The following TRAM1 variants were observed in gnomAD, a reference collection of about 807,000 sequenced individuals.
TRAM1 encodes translocation associated membrane protein 1, also known as translocating chain-associated membrane protein 1.
Under a neutral mutation model 48.7 loss-of-function variants are expected in TRAM1, and 17 were observed. The observed-to-expected ratio is 0.35, with a 90% CI of 0.24 to 0.52. TRAM1 has a LOEUF of 0.52. Ranked by LOEUF, TRAM1 falls within the 20% of genes least tolerant of loss-of-function variation. The pLI is 0.94. For synonymous variants in TRAM1, 182 were observed against 154.0 expected (o/e 1.18, Z -1.34); for missense variants, 351 against 441.5 (o/e 0.79, Z 1.84).
intron 1 of TRAM1, among the ~76,000 whole-genome samples, chr8:70,606,027 G>A (rs1206203215): frequency 6.6e-6 from 1 of 152,182 alleles, no homozygotes; most frequent in Non-Finnish European, 1.5e-5. Context: ...GCAGGTCACA[G>A]TACCCCTAAA....
Position 70,574,692 on chromosome 8 carries a change from T to C in TRAM1, c.*240A>G. Reference sequence around the variant, plus strand: ...GTTCAAAAATAAAAACAAAATAAAATATGGTGGTGGTCCCTAAACTATTTT... The same window carrying C: ...GTTCAAAAATAAAAACAAAATAAAACATGGTGGTGGTCCCTAAACTATTTT... On this transcript the variant is annotated 3_prime_UTR_variant, in exon 11 of 11. Transcript: ENST00000262213. The C allele has an allele frequency of 2.9e-6, 1 of 345,794 alleles. No individual in the cohort carries two copies. The highest frequency in any genetic ancestry group is 5.9e-5 in the East Asian group (1 of 16,892). The allele number at this position is 345,794 out of a possible 1,614,324, so 21.4% of individuals were successfully genotyped here.
intron 1 of TRAM1, among the ~76,000 whole-genome samples, chr8:70,605,080 G>C (rs1817691425): frequency 6.6e-6 from 1 of 152,144 alleles, no homozygotes; most frequent in Admixed American, 6.5e-5. Flanking sequence ...AGACTACTTT[G>C]TTAGCCTTTT....
intron 4 of TRAM1, 87 bp downstream of exon 4, chr8:70,597,808 G>T (rs1335633200): frequency 2.0e-6 from 2 of 983,986 alleles, no homozygotes; most frequent in East Asian, 2.8e-5. Context: ...ATTTATCACT[G>T]AAACTCTTAA....
intron 10 of TRAM1, among the ~76,000 whole-genome samples, chr8:70,577,143 C>G (rs1245052837): frequency 1.3e-5 from 2 of 152,176 alleles, no homozygotes; most frequent in Non-Finnish European, 2.9e-5. Flanking sequence ...TCCCTTGGCC[C>G]TGTCAGGACT....
chr8:70,599,987 T>C, intron 2 of TRAM1, 32 bp downstream of exon 2: 4 of 1,585,348 alleles, frequency 2.5e-6, no homozygotes, highest in Non-Finnish European at 3.5e-6. Context: ...AACTTCTATT[T>C]ACGTAGAAAA....
At chr8:70,592,547 A>T (rs1407761315) in intron 6 of TRAM1, among the ~76,000 whole-genome samples, 1 of 152,230 alleles carries the variant, frequency 6.6e-6, no homozygotes, top group Non-Finnish European at 1.5e-5. Context: ...ATTAGACTGC[A>T]TTTCTGGAGA....
At chr8:70,589,990 T>G (rs1490783292) in intron 6 of TRAM1, among the ~76,000 whole-genome samples, 1 of 152,162 alleles carries the variant, frequency 6.6e-6, no homozygotes, top group Admixed American at 6.5e-5. Context: ...TAAAAAATAT[T>G]GCCATATTCT....
intron 10 of TRAM1, among the ~76,000 whole-genome samples, chr8:70,581,753 A>G (rs573610790): frequency 1.3e-5 from 2 of 152,356 alleles, no homozygotes; most frequent in African/African-American, 4.8e-5. Context: ...TATGGTATAC[A>G]TCCATCCAAA....
chr8:70,607,924 C>A, intron 1 of TRAM1, 153 bp downstream of exon 1: 1 of 929,736 alleles, frequency 1.1e-6, no homozygotes, highest in Non-Finnish European at 1.5e-6. Context: ...TGGGGCAGGG[C>A]AGGGAAGGCC....
At chr8:70,586,770 T>A in intron 8 of TRAM1, 125 bp downstream of exon 8, 1 of 754,688 alleles carries the variant, frequency 1.3e-6, no homozygotes, top group East Asian at 2.7e-5. Context: ...TAATTTCGTT[T>A]TATTTAAAGC....
At chr8:70,582,278 C>T (rs1047216640) in intron 10 of TRAM1, among the ~76,000 whole-genome samples, 1 of 150,520 alleles carries the variant, frequency 6.6e-6, no homozygotes, top group African/African-American at 2.5e-5. Context: ...GGAAATTGAC[C>T]AGGTTGTATA....
Position 70,600,189 on chromosome 8 carries a change from G to T in TRAM1, c.124-107C>A. On this transcript the variant is annotated intron_variant, in intron 1 of 10. Coordinates refer to ENST00000262213, the MANE Select transcript of TRAM1 (RefSeq NM_014294.6). ...CTGTCCCTAAATCGAAGCACCAAGG[G>T]CCTCCTCGTTCCTGTGGAATCCTGA... is the stretch of plus-strand genomic sequence containing the variant. 4 of 805,246 alleles carry T rather than the reference G, an allele frequency of 5.0e-6. No homozygotes were observed. In the Admixed American group the frequency reaches 9.4e-5, roughly 19 times the overall value. The allele number at this position is 805,246 out of a possible 1,614,324, so 49.9% of individuals were successfully genotyped here.
Position 70,592,149 on chromosome 8 carries a change from T to C in TRAM1, c.570+2357A>G, listed in dbSNP as rs555812573. Among the ~76,000 whole-genome samples the C allele has an allele frequency of 2.6e-4, 40 of 152,330 alleles. No individual in the cohort carries two copies. In the South Asian group the frequency reaches 4.1e-3, roughly 16 times the overall value. On this transcript the variant is annotated intron_variant, in intron 6 of 10. Transcript: ENST00000262213. Reference sequence around the variant, plus strand: ...TTCATGACTTCCCTAAAAGCTCATATATTCAAGCTGTCTACGAAATATTTT... The same window carrying C: ...TTCATGACTTCCCTAAAAGCTCATACATTCAAGCTGTCTACGAAATATTTT...
In TRAM1 at chr8:70,574,975, T is replaced by C. The variant is rs539933275; in HGVS notation, c.1082A>G (p.Asn361Ser). ...TTTATTCCGGGGAGAGTCTGCTACA[T>C]TTGAAGTTAATGTTCCATTCACACC... ...ENGVNGTLTS[N>S]VADSPRNKKE... Residue 361 changes from asparagine (N) to serine (S), a missense_variant, in exon 11 of 11, where the codon AAT (asparagine) becomes AGT (serine). Physicochemically the swap from Asn to Ser is conservative, Grantham distance 46. Coordinates refer to ENST00000262213, the MANE Select transcript of TRAM1 (RefSeq NM_014294.6). 4 of 1,610,914 alleles carry C rather than the reference T, an allele frequency of 2.5e-6. No homozygotes were observed. In the African/African-American group the frequency reaches 5.3e-5, roughly 21 times the overall value.
At chr8:70,606,154 T>C (rs1817713578) in intron 1 of TRAM1, among the ~76,000 whole-genome samples, 1 of 152,186 alleles carries the variant, frequency 6.6e-6, no homozygotes, top group Admixed American at 6.5e-5. Context: ...AGAAAGTACA[T>C]GCAAGTATCA....
At chr8:70,605,828 A>T (rs1382317551) in intron 1 of TRAM1, among the ~76,000 whole-genome samples, 1 of 152,212 alleles carries the variant, frequency 6.6e-6, no homozygotes, top group Non-Finnish European at 1.5e-5. Context: ...CAAATTTTAT[A>T]AATTTATATA....
Position 70,573,407 on chromosome 8 carries a change from A to ATC in TRAM1, c.*1524_*1525insGA, listed in dbSNP as rs1269643244. On this transcript the variant is annotated 3_prime_UTR_variant, in exon 11 of 11. Coordinates refer to ENST00000262213, the MANE Select transcript of TRAM1 (RefSeq NM_014294.6). ...TGAGGTTATATACCAAAATAGCCTA[A>ATC]ACACCAACAATGACAGAAACATCCA... is the stretch of plus-strand genomic sequence containing the variant. 1 of 152,654 alleles carries ATC rather than the reference A, an allele frequency of 6.6e-6. No individual in the cohort carries two copies. Among genetic ancestry groups the ATC allele is most frequent in the Non-Finnish European group, 1.5e-5 (1 of 68,034 alleles). The allele number at this position is 152,654 out of a possible 1,614,324, so 9.5% of individuals were successfully genotyped here.
At chr8:70,588,571 G>A (rs2132033084) in intron 6 of TRAM1, among the ~76,000 whole-genome samples, 1 of 152,218 alleles carries the variant, frequency 6.6e-6, no homozygotes, top group African/African-American at 2.4e-5. Flanking sequence ...CTGGGCGGCA[G>A]AGCCAGACGC....
intron 10 of TRAM1, among the ~76,000 whole-genome samples, chr8:70,581,356 G>C (rs1817069639): frequency 6.6e-6 from 1 of 152,168 alleles, no homozygotes; most frequent in South Asian, 2.1e-4. Context: ...GTGTGGTTCT[G>C]GCATAAGAAT....
Sources: gnomAD v4.1 joint callset for allele counts (sites outside exome capture counted in the v4.1 genomes callset) on GRCh38, gnomAD v4.1.1 for gene constraint, MANE v1.5 for transcripts, NCBI Gene and HGNC (gene_info 2026-07-23, HGNC 2026-07-21) for gene names.